Variants in SPAG16 observed in about 807,000 individuals in gnomAD.
SPAG16 encodes the protein sperm associated antigen 16, also known as sperm-associated antigen 16 protein.
In SPAG16, 86 loss-of-function variants were observed where a neutral mutation model predicts 80.4. The ratio of observed to expected loss-of-function variants is 1.07; its 90% CI spans 0.90 to 1.28. The LOEUF is 1.28. Among genes scored for constraint, SPAG16 ranks in the 50% most tolerant of loss-of-function variants. SPAG16 has a pLI of 0.00. For missense variants in SPAG16, 870 were observed against 765.3 expected (o/e 1.14, Z -1.61); for synonymous variants, 294 against 265.9 (o/e 1.11, Z -1.03).
At chr2:213,524,612 C>T (rs1348303501) in intron 10 of SPAG16, among the ~76,000 whole-genome samples, 9 of 152,292 alleles carry the variant, frequency 5.9e-5, no homozygotes, top group African/African-American at 1.2e-4. Flanking sequence ...GACCTGGATG[C>T]GAGACATGGA....
chr2:213,560,128 T>C (rs1315508580), intron 10 of SPAG16, among the ~76,000 whole-genome samples: 1 of 152,104 alleles, frequency 6.6e-6, no homozygotes, highest in Non-Finnish European at 1.5e-5. Flanking sequence ...TCCATTCTGA[T>C]TATCCTCTTA....
chr2:213,891,722 T>C (rs1291531270), intron 11 of SPAG16, among the ~76,000 whole-genome samples: 4 of 152,096 alleles, frequency 2.6e-5, no homozygotes, highest in Non-Finnish European at 5.9e-5. Flanking sequence ...GAAATGAGAA[T>C]TCCTGGGGCC....
chr2:213,341,254 T>C (rs1256266485), intron 6 of SPAG16, among the ~76,000 whole-genome samples: 3 of 152,128 alleles, frequency 2.0e-5, no homozygotes, highest in African/African-American at 7.2e-5. Flanking sequence ...ACTTCAATGA[T>C]GCCATCAAGT....
At chr2:213,974,927 A>G (rs1364700654) in intron 12 of SPAG16, among the ~76,000 whole-genome samples, 2 of 147,466 alleles carry the variant, frequency 1.4e-5, no homozygotes, top group Non-Finnish European at 3.0e-5. Flanking sequence ...TCAAGAATCT[A>G]GTATTGAAGT....
At chr2:213,427,349 G>A (rs1209274773) in intron 9 of SPAG16, among the ~76,000 whole-genome samples, 3 of 152,168 alleles carry the variant, frequency 2.0e-5, no homozygotes, top group Non-Finnish European at 4.4e-5. Flanking sequence ...CAGACGCACA[G>A]TGATATGAGT....
intron 9 of SPAG16, chr2:213,422,522 A>G: frequency 4.1e-6 from 2 of 487,294 alleles, no homozygotes; most frequent in South Asian, 6.5e-5. Flanking sequence ...ACAGCCTACC[A>G]GGCCGAGTGG....
In SPAG16 at chr2:214,038,452, T is replaced by C. The variant is rs547298301; in HGVS notation, c.1527+24375T>C. Reference sequence around the variant, plus strand: ...AATATTATTACTCCACTCTCAACTTTATCTTTGTTTTAGTCTTAGATTTAC... The same window carrying C: ...AATATTATTACTCCACTCTCAACTTCATCTTTGTTTTAGTCTTAGATTTAC... On this transcript the variant is annotated intron_variant, in intron 13 of 15. Coordinates refer to ENST00000331683, the MANE Select transcript of SPAG16 (RefSeq NM_024532.5). 1.6e-4 allele frequency among the ~76,000 whole-genome samples: 24 copies of C among 152,190 alleles called. 1 individual carries two copies. The South Asian group carries it at 4.8e-3, about 30-fold the overall frequency.
intron 10 of SPAG16, among the ~76,000 whole-genome samples, chr2:213,743,344 T>C (rs2067671536): frequency 6.6e-6 from 1 of 152,210 alleles, no homozygotes. Context: ...AAGCACCAAT[T>C]ATATATTTAT....
At chr2:214,034,942 G>A (rs1168893534) in intron 13 of SPAG16, among the ~76,000 whole-genome samples, 1 of 152,204 alleles carries the variant, frequency 6.6e-6, no homozygotes, top group Non-Finnish European at 1.5e-5. Context: ...CTGTGCCCAG[G>A]AAGAATGAGG....
chr2:213,929,325 C>T (rs2078645483), intron 11 of SPAG16, among the ~76,000 whole-genome samples: 1 of 151,836 alleles, frequency 6.6e-6, no homozygotes. Flanking sequence ...TGACGCCTAC[C>T]CATTTCTTAA....
chr2:214,179,242 G>A (rs552849080), intron 15 of SPAG16, among the ~76,000 whole-genome samples: 149 of 151,350 alleles, frequency 9.8e-4, no homozygotes, highest in African/African-American at 3.5e-3. Flanking sequence ...TTTTTTTATA[G>A]CCTGCATTGT....
intron 3 of SPAG16, among the ~76,000 whole-genome samples, chr2:213,306,681 G>T (rs2062954493): frequency 6.6e-6 from 1 of 151,936 alleles, no homozygotes; most frequent in African/African-American, 2.4e-5. Context: ...TGCTCCCTCT[G>T]GGTGATGGCT....
intron 10 of SPAG16, among the ~76,000 whole-genome samples, chr2:213,701,564 C>G (rs2065422437): frequency 1.3e-5 from 2 of 152,096 alleles, no homozygotes; most frequent in Admixed American, 1.3e-4. Flanking sequence ...GAGGGCGCTG[C>G]TCTGTGGCGC....
At chr2:213,521,767 T>G (rs2075680648) in intron 10 of SPAG16, among the ~76,000 whole-genome samples, 1 of 152,236 alleles carries the variant, frequency 6.6e-6, no homozygotes, top group Non-Finnish European at 1.5e-5. Flanking sequence ...TTTGGAAATG[T>G]GTCATTTTAC....
At chr2:213,738,137 G>A (rs932116243) in intron 10 of SPAG16, among the ~76,000 whole-genome samples, 1 of 152,014 alleles carries the variant, frequency 6.6e-6, no homozygotes, top group Non-Finnish European at 1.5e-5. Flanking sequence ...TTATTTTACT[G>A]ACTGTAAATT....
chr2:214,157,858 T>C (rs1475684519), intron 15 of SPAG16, among the ~76,000 whole-genome samples: 1 of 152,154 alleles, frequency 6.6e-6, no homozygotes, highest in Admixed American at 6.6e-5. Flanking sequence ...GATAACATCA[T>C]TGCACAAATT....
chr2:213,904,621 A>C (rs1238571), intron 11 of SPAG16, among the ~76,000 whole-genome samples: 1 of 128,280 alleles, frequency 7.8e-6, no homozygotes, highest in African/African-American at 2.7e-5. Context: ...AAAAAAAAAA[A>C]CAAAGTAGGT....
chr2:213,862,649 G>A, intron 11 of SPAG16, 21 bp downstream of exon 11: 1 of 1,613,148 alleles, frequency 6.2e-7, no homozygotes, highest in Non-Finnish European at 8.5e-7. Flanking sequence ...AGGACCCCTA[G>A]AAATAGCCTA....
chr2:213,735,854 G>A (rs766385616), intron 10 of SPAG16, among the ~76,000 whole-genome samples: 26 of 152,174 alleles, frequency 1.7e-4, no homozygotes, highest in Non-Finnish European at 2.4e-4. Flanking sequence ...GTCTAGAATT[G>A]TCTAGCACTA....
Sources: gnomAD v4.1 joint callset for allele counts (sites outside exome capture counted in the v4.1 genomes callset) on GRCh38, gnomAD v4.1.1 for gene constraint, MANE v1.5 for transcripts, NCBI Gene and HGNC (gene_info 2026-07-23, HGNC 2026-07-21) for gene names.